Variants in CELA1 observed in about 807,000 individuals in gnomAD.
CELA1 encodes the protein chymotrypsin-like elastase family member 1.
CELA1 carries 28 observed loss-of-function variants against 34.8 expected under a neutral mutation model. The ratio of observed to expected loss-of-function variants is 0.80; its 90% confidence interval spans 0.60 to 1.10. The LOEUF is 1.10. CELA1 is among the 50% of genes least tolerant of loss of function. The pLI is 0.00. For synonymous variants in CELA1, 140 were observed against 129.8 expected (o/e 1.08, Z -0.53); for missense variants, 288 against 327.5 (o/e 0.88, Z 0.93).
intron 1 of CELA1, 60 bp from the exon 2 acceptor site, chr12:51,345,937 G>A (rs1292100404): frequency 1.7e-6 from 2 of 1,188,936 alleles, no homozygotes; most frequent in Non-Finnish European, 2.4e-6. Flanking sequence ...AGGGGTAGGG[G>A]TGGGGGGTGG....
chr12:51,331,153 G>GCTA (rs747618108), intron 6 of CELA1, among the ~76,000 whole-genome samples: 1 of 151,976 alleles, frequency 6.6e-6, no homozygotes, highest in Admixed American at 6.6e-5. Context: ...ACTTTGGGAG[G>GCTA]CTGAGGCGGG....
At chr12:51,329,111 A>G (rs1946452695) in intron 7 of CELA1, among the ~76,000 whole-genome samples, 1 of 151,924 alleles carries the variant, frequency 6.6e-6, no homozygotes, top group Non-Finnish European at 1.5e-5. Flanking sequence ...AAAATTTACC[A>G]GGTTTGGTGG....
At chr12:51,333,405 G>GT (rs35636954) in intron 6 of CELA1, among the ~76,000 whole-genome samples, 43,547 of 137,748 alleles carry the variant, frequency 0.32, 8,273 homozygotes, top group Middle Eastern at 0.43. Context: ...TTTTTTTTTT[G>GT]TTTTTTTTTT....
intron 6 of CELA1, among the ~76,000 whole-genome samples, chr12:51,336,039 G>A (rs1264492762): frequency 6.6e-6 from 1 of 152,130 alleles, no homozygotes; most frequent in Non-Finnish European, 1.5e-5. Context: ...TTGCCAAAGT[G>A]GCCACTTTCA....
At chr12:51,334,712 G>A (rs1176344871) in intron 6 of CELA1, among the ~76,000 whole-genome samples, 1 of 152,208 alleles carries the variant, frequency 6.6e-6, no homozygotes, top group African/African-American at 2.4e-5. Context: ...GGGATTACAG[G>A]CATGAGCCAC....
intron 6 of CELA1, among the ~76,000 whole-genome samples, chr12:51,330,741 C>T (rs1362019354): frequency 1.3e-5 from 2 of 152,104 alleles, no homozygotes; most frequent in East Asian, 1.9e-4. Flanking sequence ...GAGGCTGAGG[C>T]GGGCGGATCA....
chr12:51,330,262 C>A (rs527874096), intron 6 of CELA1, among the ~76,000 whole-genome samples: 2 of 152,224 alleles, frequency 1.3e-5, no homozygotes, highest in African/African-American at 4.8e-5. Context: ...GCATTTAGAC[C>A]AATGGGTATA....
At chr12:51,331,122 C>G (rs1427625189) in intron 6 of CELA1, among the ~76,000 whole-genome samples, 1 of 117,934 alleles carries the variant, frequency 8.5e-6, no homozygotes, top group African/African-American at 3.2e-5. Context: ...GGCATGGTGG[C>G]TCCACACCTG....
chr12:51,344,143 G>A (rs1565702512), intron 2 of CELA1, among the ~76,000 whole-genome samples: 2 of 152,200 alleles, frequency 1.3e-5, no homozygotes, highest in Admixed American at 1.3e-4. Context: ...TGGCAAATAG[G>A]TTTCATCTGA....
intron 2 of CELA1, among the ~76,000 whole-genome samples, chr12:51,345,393 CGTGT>C (rs149535487): frequency 2.3e-3 from 340 of 150,804 alleles, no homozygotes; most frequent in African/African-American, 7.8e-3. Context: ...GCATGCTGTA[CGTGT>C]GTGTGTGTGT....
At position 51,345,866 on chromosome 12, in the gene CELA1, G is replaced by A; in HGVS notation, c.28C>T (p.Gln10Ter). 6.4e-7 allele frequency: 1 copy of A among 1,557,956 alleles called. No individual in the cohort carries two copies. The highest frequency in any genetic ancestry group is 1.2e-5 in the South Asian group (1 of 84,482). ...CGGGCATTGGTTTCCGGAAGGTCCT[G>A]GGTGCTGTGTCCTTTGTGGGGCAGA... MLVLYGHST[Q>*]DLPETNARVV... is the part of the protein sequence containing the mutation. The change falls in exon 2 of 8, where the codon CAG becomes TAG. Residue 10 changes from glutamine to a stop codon, truncating the protein, a stop_gained. Coordinates refer to ENST00000293636, the MANE Select transcript of CELA1 (RefSeq NM_001971.6). LOFTEE classifies it high-confidence loss of function.
chr12:51,329,937 G>A, intron 6 of CELA1, 104 bp from the exon 7 acceptor site: 1 of 1,096,450 alleles, frequency 9.1e-7, no homozygotes, highest in Middle Eastern at 2.3e-4. Context: ...CGGTTTTAAA[G>A]CTCCAATGCA....
intron 6 of CELA1, among the ~76,000 whole-genome samples, chr12:51,333,035 T>C (rs1946479387): frequency 1.3e-5 from 2 of 152,002 alleles, no homozygotes; most frequent in African/African-American, 4.8e-5. Context: ...GTTCAGGTGA[T>C]TCTCCTGCCT....
intron 2 of CELA1, among the ~76,000 whole-genome samples, chr12:51,344,688 G>A (rs1490746051): frequency 1.3e-5 from 2 of 151,710 alleles, no homozygotes; most frequent in African/African-American, 2.4e-5. Context: ...AGACTCCATC[G>A]CCCCCTCTCC....
intron 1 of CELA1, 117 bp from the exon 2 acceptor site, chr12:51,345,994 CCTCT>C: frequency 1.4e-6 from 1 of 694,560 alleles, no homozygotes; most frequent in Admixed American, 2.7e-5. Context: ...ATTCACAGTT[CCTCT>C]CTAACGAATG....
chr12:51,332,471 A>G (rs1021915320), intron 6 of CELA1, among the ~76,000 whole-genome samples: 8 of 152,172 alleles, frequency 5.3e-5, no homozygotes, highest in Non-Finnish European at 1.0e-4. Context: ...TCAGCTGAAG[A>G]GTTGAAAGTG....
chr12:51,342,704 G>A lies in CELA1; in HGVS notation c.201-4C>T, dbSNP rs973233661. 1 of 1,614,050 alleles carries A rather than the reference G, an allele frequency of 6.2e-7. No individual in the cohort carries two copies. The highest frequency in any genetic ancestry group is 2.2e-5 in the East Asian group (1 of 44,886). Reference sequence around the variant, plus strand: ...CACCACGCGGAAAGTCTTCTGGCTGGCGTGAGAGAAGGAATCCCTGAGTCA... The same window carrying A: ...CACCACGCGGAAAGTCTTCTGGCTGACGTGAGAGAAGGAATCCCTGAGTCA... On this transcript the variant is annotated splice_region_variant and splice_polypyrimidine_tract_variant and intron_variant, in intron 3 of 7. Coordinates refer to ENST00000293636, the MANE Select transcript of CELA1 (RefSeq NM_001971.6).
chr12:51,332,868 C>G (rs1946478170), intron 6 of CELA1, among the ~76,000 whole-genome samples: 1 of 151,762 alleles, frequency 6.6e-6, no homozygotes, highest in South Asian at 2.1e-4. Context: ...CAAAAACAAA[C>G]AAACAAAAGT....
chr12:51,331,152 G>T (rs1045912556), intron 6 of CELA1, among the ~76,000 whole-genome samples: 2 of 152,050 alleles, frequency 1.3e-5, no homozygotes, highest in Non-Finnish European at 2.9e-5. Flanking sequence ...CACTTTGGGA[G>T]GCTGAGGCGG....
Sources: gnomAD v4.1 joint callset for allele counts (sites outside exome capture counted in the v4.1 genomes callset) on GRCh38, gnomAD v4.1.1 for gene constraint, MANE v1.5 for transcripts, NCBI Gene and HGNC (gene_info 2026-07-23, HGNC 2026-07-21) for gene names.